JAK1: variants seen among roughly 807,000 people sequenced by gnomAD.
JAK1 encodes Janus kinase 1.
JAK1 carries 16 observed loss-of-function variants against 136.6 expected under a neutral mutation model. The observed-to-expected ratio is 0.12, with a 90% confidence interval of 0.08 to 0.18. The LOEUF (loss-of-function observed/expected upper bound fraction) is 0.18. Ranked by LOEUF, JAK1 falls within the 10% of genes least tolerant of loss-of-function variation. The probability of loss-of-function intolerance (pLI) is 1.00; values close to 1 mark genes in which losing one functional copy is unlikely to be tolerated. For synonymous variants in JAK1, 492 were observed against 519.5 expected (o/e 0.95, Z 0.72); for missense variants, 859 against 1,450.1 (o/e 0.59, Z 6.62).
chr1:64,966,237 G>C (rs72922282), intron 1 of JAK1, 96 bp downstream of exon 1: 35,116 of 151,758 alleles, frequency 0.23, 5,571 homozygotes, highest in African/African-American at 0.43. Flanking sequence ...GACCGACCAA[G>C]AGCGGTGGCC....
intron 2 of JAK1, chr1:65,004,048 T>C (rs1646784485): frequency 6.6e-6 from 1 of 152,236 alleles, no homozygotes; most frequent in Non-Finnish European, 1.5e-5. Context: ...ATCAACTGAC[T>C]CTCCTGCCTC....
intron 1 of JAK1, among the ~76,000 whole-genome samples, chr1:64,950,008 T>C (rs1336934408): frequency 6.6e-6 from 1 of 152,240 alleles, no homozygotes; most frequent in Non-Finnish European, 1.5e-5. Flanking sequence ...AAGACAGGTA[T>C]ATGTATCCAG....
At position 65,021,991 on chromosome 1, in the gene JAK1, CACA is replaced by C. The variant is rs573971458; in HGVS notation, c.-78+22486_-78+22488del. 3.3e-3 allele frequency among the ~76,000 whole-genome samples: 510 copies of C among 152,258 alleles called. 3 individuals are homozygous for C. Among genetic ancestry groups the C allele is most frequent in the Middle Eastern group, 0.01 (3 of 294 alleles). ...AGGTGGACATGGGAAACAGCAATAACACAACGTTAGACTGTGATAAAGGTGACT... is the reference window on the plus strand; with the variant it reads ...AGGTGGACATGGGAAACAGCAATAACACGTTAGACTGTGATAAAGGTGACT... On this transcript the variant is annotated intron_variant, in intron 2 of 25. Coordinates refer to the JAK1 transcript ENST00000671954.
At chr1:64,922,978 A>G (rs1645521573) in intron 1 of JAK1, among the ~76,000 whole-genome samples, 1 of 152,242 alleles carries the variant, frequency 6.6e-6, no homozygotes. Context: ...TACGTTAGGT[A>G]CTAAATAAAA....
chr1:65,020,901 GA>G (rs769654911), intron 2 of JAK1, among the ~76,000 whole-genome samples: 1 of 152,176 alleles, frequency 6.6e-6, no homozygotes, highest in Non-Finnish European at 1.5e-5. Context: ...GGCAGGGAAA[GA>G]AAGCCTTTAT....
Position 64,844,699 on chromosome 1 carries a change from T to TGCTGACTTGCCCCTGACTC in JAK1, c.2251+36_2251+54dup, listed in dbSNP as rs1655115124. Reference sequence around the variant, plus strand: ...CCAACCCCAGCCCAGCCCTTCTCTCTGCTGACTTGCCCCTGACTCGGGGTG... The same window carrying TGCTGACTTGCCCCTGACTC: ...CCAACCCCAGCCCAGCCCTTCTCTCTGCTGACTTGCCCCTGACTCGCTGACTTGCCCCTGACTCGGGGTG... On this transcript the variant is annotated intron_variant, in intron 16 of 24. Coordinates refer to ENST00000342505, the MANE Select transcript of JAK1 (RefSeq NM_002227.4). The surrounding 1 kb of genome is among the most constrained non-coding windows in gnomAD (Gnocchi z 5.7). The TGCTGACTTGCCCCTGACTC allele has an allele frequency of 6.2e-7, 1 of 1,609,846 alleles. No homozygotes were observed. Among genetic ancestry groups the TGCTGACTTGCCCCTGACTC allele is most frequent in the Non-Finnish European group, 8.5e-7 (1 of 1,177,074 alleles).
intron 1 of JAK1, among the ~76,000 whole-genome samples, chr1:64,892,343 CA>C (rs1644950881): frequency 6.6e-6 from 1 of 152,086 alleles, no homozygotes; most frequent in Non-Finnish European, 1.5e-5. Flanking sequence ...TATAGTGGCA[CA>C]ATCATGGCTC....
At chr1:65,063,956 G>A (rs1247413353) in intron 1 of JAK1, among the ~76,000 whole-genome samples, 1 of 151,958 alleles carries the variant, frequency 6.6e-6, no homozygotes. Context: ...ATAAACAGGT[G>A]GAATTAATAG....
chr1:65,053,896 T>A (rs1251192571), intron 1 of JAK1, among the ~76,000 whole-genome samples: 1 of 152,136 alleles, frequency 6.6e-6, no homozygotes, highest in African/African-American at 2.4e-5. Flanking sequence ...AAGCTAGAAA[T>A]GTACTAGGCA....
At chr1:65,035,057 A>AAAATAAATAAATAAAT (rs35499348) in intron 2 of JAK1, among the ~76,000 whole-genome samples, 10 of 149,506 alleles carry the variant, frequency 6.7e-5, no homozygotes, top group African/African-American at 2.5e-4. Flanking sequence ...ACTCCATCTC[A>AAAATAAATAAATAAAT]AAATAAATAA....
At chr1:64,847,716 C>G in intron 12 of JAK1, 41 bp from the exon 13 acceptor site, 1 of 1,605,116 alleles carries the variant, frequency 6.2e-7, no homozygotes, top group East Asian at 2.2e-5. Flanking sequence ...TCTCTGTGCC[C>G]TGAAGTGATG....
At chr1:64,872,796 C>A (rs142415308) in intron 5 of JAK1, among the ~76,000 whole-genome samples, 1 of 152,068 alleles carries the variant, frequency 6.6e-6, no homozygotes, top group African/African-American at 2.4e-5. Flanking sequence ...ACAAAATGAA[C>A]CATAAAATAT....
intron 19 of JAK1, among the ~76,000 whole-genome samples, chr1:64,840,629 G>C (rs189359429): frequency 6.6e-6 from 1 of 152,262 alleles, no homozygotes; most frequent in East Asian, 1.9e-4. Flanking sequence ...AGGAGTCTGA[G>C]AGCAGCCTAG....
chr1:65,003,467 C>G (rs757349941), intron 2 of JAK1: 1 of 152,008 alleles, frequency 6.6e-6, no homozygotes, highest in African/African-American at 2.4e-5. Context: ...AGCAGAGACA[C>G]GATTTGGAGC....
chr1:64,989,002 G>GTGTATATATATATA (rs545656432), intron 2 of JAK1, among the ~76,000 whole-genome samples: 1 of 129,238 alleles, frequency 7.7e-6, no homozygotes, highest in African/African-American at 2.8e-5. Context: ...GTGTGTGTGT[G>GTGTATATATATATA]TATATATATA....
chr1:64,999,297 A>G (rs1023777388), intron 2 of JAK1, among the ~76,000 whole-genome samples: 2 of 152,186 alleles, frequency 1.3e-5, no homozygotes, highest in Non-Finnish European at 2.9e-5. Context: ...GCAAGCACAT[A>G]AGATAACTCA....
At chr1:64,900,451 T>C (rs993403033) in intron 1 of JAK1, among the ~76,000 whole-genome samples, 2 of 152,094 alleles carry the variant, frequency 1.3e-5, no homozygotes, top group Non-Finnish European at 2.9e-5. Context: ...AAGCATTTCA[T>C]GAAGAGAAGA....
upstream of JAK1, among the ~76,000 whole-genome samples, chr1:64,967,872 A>G (rs1211889544): frequency 6.6e-6 from 1 of 152,118 alleles, no homozygotes; most frequent in African/African-American, 2.4e-5. Flanking sequence ...GGTTGCCTGC[A>G]TTGTGGGTGT....
At chr1:64,847,982 G>A (rs1395835552) in intron 12 of JAK1, 2 of 280,462 alleles carry the variant, frequency 7.1e-6, no homozygotes, top group East Asian at 6.8e-5. Flanking sequence ...ACTGCAAACA[G>A]GGCCATCAAC....
Sources: allele counts gnomAD v4.1 joint callset (sites outside exome capture counted in the v4.1 genomes callset), GRCh38; gene constraint gnomAD v4.1.1; non-coding constraint Gnocchi (gnomAD v3.1); transcripts MANE v1.5; gene names NCBI Gene and HGNC (gene_info 2026-07-23, HGNC 2026-07-21).